ESRRG: variants seen among roughly 807,000 people sequenced by gnomAD.
The protein encoded by ESRRG is estrogen-related receptor gamma.
In ESRRG, 13 loss-of-function variants were observed where a neutral mutation model predicts 44.0. The observed-to-expected ratio is 0.30, with a 90% CI of 0.19 to 0.47. The LOEUF (loss-of-function observed/expected upper bound fraction) is 0.47, where lower values mean the gene tolerates loss of function less well. Among genes scored for constraint, ESRRG ranks in the 20% least tolerant of loss-of-function variants. ESRRG has a pLI of 1.00. For synonymous variants in ESRRG, 215 were observed against 214.6 expected, an observed-to-expected ratio of 1.00 and a Z score of -0.02; for missense variants, 395 against 580.6, an observed-to-expected ratio of 0.68 and a Z score of 3.29.
intron 1 of ESRRG, among the ~76,000 whole-genome samples, chr1:216,700,820 A>C (rs2081254504): frequency 6.6e-6 from 1 of 152,120 alleles, no homozygotes. Context: ...TCGTATTCTT[A>C]CCCTAACACT....
chr1:216,598,883 AGACACAAT>A (rs2058807595), intron 3 of ESRRG, among the ~76,000 whole-genome samples: 1 of 152,232 alleles, frequency 6.6e-6, no homozygotes, highest in South Asian at 2.1e-4. Flanking sequence ...TGGTATACAA[AGACACAAT>A]TCTGACACTC....
rs147195226 is a variant in ESRRG at position 217,130,945 on chromosome 1, A to T, written c.-230+6722T>A. Among the ~76,000 whole-genome samples the T allele has an allele frequency of 4.2e-3, 634 of 152,312 alleles. 3 individuals carry two copies. Among genetic ancestry groups the T allele is most frequent in the African/African-American group, 0.015 (606 of 41,556 alleles). On this transcript the variant is annotated intron_variant, in intron 1 of 8. Transcript: ENST00000366940. ...AATAAAATATAGCTTAAATAAATGG[A>T]TCAGTAGAATATACTATATTGCCAC... is the stretch of plus-strand genomic sequence containing the variant.
chr1:217,028,944 T>C (rs898594516), intron 1 of ESRRG, among the ~76,000 whole-genome samples: 3 of 152,236 alleles, frequency 2.0e-5, no homozygotes, highest in African/African-American at 4.8e-5. Context: ...AAAAGCTATG[T>C]TAGCCATCTC....
At chr1:217,022,678 T>C (rs1200322385) in intron 1 of ESRRG, among the ~76,000 whole-genome samples, 2 of 152,198 alleles carry the variant, frequency 1.3e-5, no homozygotes, top group African/African-American at 2.4e-5. Flanking sequence ...CTAGTGACTG[T>C]AGCGTTTCAT....
intron 1 of ESRRG, among the ~76,000 whole-genome samples, chr1:216,964,621 G>A (rs1328162851): frequency 2.6e-5 from 4 of 152,168 alleles, no homozygotes; most frequent in South Asian, 2.1e-4. Context: ...TCTACCTAAC[G>A]CTAAAGCTAC....
At chr1:217,127,945 T>C (rs2092913134) in intron 1 of ESRRG, among the ~76,000 whole-genome samples, 2 of 152,284 alleles carry the variant, frequency 1.3e-5, no homozygotes, top group African/African-American at 2.4e-5. Context: ...CAGATAAAGG[T>C]GTTATTCTGC....
intron 3 of ESRRG, among the ~76,000 whole-genome samples, chr1:216,600,845 CA>C (rs1013182553): frequency 6.6e-6 from 1 of 152,218 alleles, no homozygotes; most frequent in African/African-American, 2.4e-5. Context: ...ATCAGCCTCA[CA>C]GCGGGTCACA....
intron 2 of ESRRG, among the ~76,000 whole-genome samples, chr1:216,732,443 C>T (rs1298133380): frequency 6.6e-6 from 1 of 150,776 alleles, no homozygotes; most frequent in Non-Finnish European, 1.5e-5. Context: ...GTGGCACAAT[C>T]TCAGCTCCCT....
rs2042399868 is a variant in ESRRG, at chr1:216,510,524, G to A, written c.1133-3341C>T. ...GCAAATTGAATAAGACAGAGCCACT[G>A]AAAAAGAAGATTTTATTTTTATATC... On this transcript the variant is annotated intron_variant, in intron 6 of 6. Coordinates refer to ENST00000408911, the MANE Select transcript of ESRRG (RefSeq NM_001438.4). Among the ~76,000 whole-genome samples, 3 of 147,632 alleles carry A rather than the reference G, an allele frequency of 2.0e-5. No individual in the cohort carries two copies. The South Asian group carries it at 6.2e-4, about 31-fold the overall frequency.
chr1:217,100,666 A>G (rs2092497467), intron 1 of ESRRG, among the ~76,000 whole-genome samples: 1 of 152,228 alleles, frequency 6.6e-6, no homozygotes, highest in Admixed American at 6.5e-5. Context: ...GTGAGGCCTC[A>G]GGAAGCTTAC....
intron 5 of ESRRG, among the ~76,000 whole-genome samples, chr1:216,531,674 C>G (rs367697922): frequency 1.3e-5 from 2 of 152,188 alleles, no homozygotes; most frequent in South Asian, 2.1e-4. Context: ...TATATATTTA[C>G]TATGGATATA....
intron 1 of ESRRG, among the ~76,000 whole-genome samples, chr1:217,075,999 TG>T (rs1404379847): frequency 1.3e-5 from 2 of 152,232 alleles, no homozygotes; most frequent in Admixed American, 1.3e-4. Context: ...CACCTGTATA[TG>T]TACAATGATG....
intron 2 of ESRRG, among the ~76,000 whole-genome samples, chr1:216,744,435 A>C (rs942825594): frequency 6.6e-6 from 1 of 151,820 alleles, no homozygotes; most frequent in Admixed American, 6.6e-5. Flanking sequence ...AATCAACTCC[A>C]TCCCATCTGA....
At chr1:217,116,926 C>A (rs1215138411) in intron 1 of ESRRG, among the ~76,000 whole-genome samples, 1 of 152,124 alleles carries the variant, frequency 6.6e-6, no homozygotes, top group Non-Finnish European at 1.5e-5. Context: ...GACTCCTGGA[C>A]AAATCAGTCA....
intron 1 of ESRRG, among the ~76,000 whole-genome samples, chr1:216,696,725 T>C (rs568518035): frequency 6.6e-6 from 1 of 152,014 alleles, no homozygotes; most frequent in South Asian, 2.1e-4. Context: ...TGGAGCTAGA[T>C]ATTAGAACTT....
intron 2 of ESRRG, among the ~76,000 whole-genome samples, chr1:216,730,838 G>T (rs914138447): frequency 2.0e-5 from 3 of 152,028 alleles, no homozygotes; most frequent in Non-Finnish European, 4.4e-5. Flanking sequence ...TGAAGACAAG[G>T]CCTGCTCCAT....
intron 2 of ESRRG, chr1:216,855,258 A>T (rs530005113): frequency 1.8e-4 from 27 of 152,338 alleles, no homozygotes; most frequent in African/African-American, 5.8e-4. Flanking sequence ...GCTTAGGTAC[A>T]AAGCCATGTT....
chr1:216,800,567 TTA>T (rs759026273), intron 2 of ESRRG, among the ~76,000 whole-genome samples: 41 of 152,308 alleles, frequency 2.7e-4, no homozygotes, highest in Non-Finnish European at 4.1e-4. Context: ...GTACTGTATT[TTA>T]ATAAGAAAGA....
chr1:216,571,357 C>T (rs976530437), intron 3 of ESRRG, among the ~76,000 whole-genome samples: 5 of 151,964 alleles, frequency 3.3e-5, no homozygotes, highest in Admixed American at 6.6e-5. Context: ...GTAGGAGAAT[C>T]GCTTAAACCT....
Sources: gnomAD v4.1 joint callset for allele counts (sites outside exome capture counted in the v4.1 genomes callset) on GRCh38, gnomAD v4.1.1 for gene constraint, MANE v1.5 for transcripts, NCBI Gene and HGNC (gene_info 2026-07-23, HGNC 2026-07-21) for gene names.